Variants in MAML2 observed in about 807,000 individuals in gnomAD.
MAML2 encodes the protein mastermind like transcriptional coactivator 2, also known as mastermind-like protein 2.
Under a neutral mutation model 96.1 loss-of-function variants are expected in MAML2, and 22 were observed. That is an observed-to-expected ratio of 0.23 (90% CI 0.16 to 0.33). The LOEUF is 0.33. MAML2 is among the 10% of genes least tolerant of loss of function. MAML2 has a pLI of 1.00. For synonymous variants in MAML2, 561 were observed against 521.3 expected, an observed-to-expected ratio of 1.08 and a Z score of -1.04; for missense variants, 1,367 against 1,392.4, an observed-to-expected ratio of 0.98 and a Z score of 0.29.
intron 1 of MAML2, among the ~76,000 whole-genome samples, chr11:96,178,638 C>T (rs1227331191): frequency 6.6e-6 from 1 of 152,186 alleles, no homozygotes; most frequent in Non-Finnish European, 1.5e-5. Context: ...GGGGATGTCA[C>T]AAAAGCCAGC....
At chr11:96,078,249 G>A (rs1859475028) in intron 2 of MAML2, among the ~76,000 whole-genome samples, 1 of 152,120 alleles carries the variant, frequency 6.6e-6, no homozygotes, top group Non-Finnish European at 1.5e-5. Context: ...AGTGTACACT[G>A]AACACATCTC....
intron 1 of MAML2, among the ~76,000 whole-genome samples, chr11:96,180,094 A>G (rs16923184): frequency 0.018 from 2,714 of 152,328 alleles, 93 homozygotes; most frequent in African/African-American, 0.061. Context: ...AATACTGAAG[A>G]ATGCAGAATT....
intron 2 of MAML2, among the ~76,000 whole-genome samples, chr11:96,025,072 C>T (rs995658833): frequency 3.9e-5 from 6 of 152,096 alleles, no homozygotes; most frequent in African/African-American, 9.7e-5. Flanking sequence ...GAAAAGCAAC[C>T]GTTCCACCAA....
At chr11:96,181,814 C>T (rs183797457) in intron 1 of MAML2, among the ~76,000 whole-genome samples, 11 of 95,664 alleles carry the variant, frequency 1.1e-4, no homozygotes, top group African/African-American at 4.1e-4. Flanking sequence ...AGCAATAGAA[C>T]GCTTTAGTGA....
intron 1 of MAML2, among the ~76,000 whole-genome samples, chr11:96,339,850 G>T (rs751341573): frequency 6.6e-6 from 1 of 152,028 alleles, no homozygotes; most frequent in Non-Finnish European, 1.5e-5. Flanking sequence ...ACCTCCCACT[G>T]CTTTCCTAGG....
chr11:96,017,013 A>G (rs1014807741), intron 2 of MAML2, among the ~76,000 whole-genome samples: 1 of 152,226 alleles, frequency 6.6e-6, no homozygotes, highest in Non-Finnish European at 1.5e-5. Context: ...TTTTAAAGGC[A>G]ATTAACTATG....
intron 1 of MAML2, among the ~76,000 whole-genome samples, chr11:96,276,152 C>T (rs1862985427): frequency 6.6e-6 from 1 of 152,194 alleles, no homozygotes; most frequent in African/African-American, 2.4e-5. Context: ...AATATCAAAG[C>T]AGCTACCGGT....
intron 1 of MAML2, among the ~76,000 whole-genome samples, chr11:96,117,832 A>C (rs80002405): frequency 0.93 from 141,118 of 151,988 alleles, 65,553 homozygotes; most frequent in East Asian, 1. Flanking sequence ...CTGGAAAAGA[A>C]CTAAAAAATA....
intron 1 of MAML2, among the ~76,000 whole-genome samples, chr11:96,319,928 A>G (rs1329661332): frequency 6.6e-6 from 1 of 152,244 alleles, no homozygotes; most frequent in Non-Finnish European, 1.5e-5. Context: ...GCCAACTCTC[A>G]GAAGGAGGTG....
At chr11:96,289,914 C>G (rs1359739572) in intron 1 of MAML2, among the ~76,000 whole-genome samples, 1 of 151,818 alleles carries the variant, frequency 6.6e-6, no homozygotes. Context: ...TTTGAAGGGA[C>G]TGGGAATAAA....
At chr11:96,117,722 T>G (rs1433774201) in intron 1 of MAML2, among the ~76,000 whole-genome samples, 2 of 152,108 alleles carry the variant, frequency 1.3e-5, no homozygotes, top group Non-Finnish European at 2.9e-5. Flanking sequence ...GACCAGAAGA[T>G]TCTTAGAACA....
intron 2 of MAML2, among the ~76,000 whole-genome samples, chr11:96,034,823 T>G (rs1234437932): frequency 6.6e-6 from 1 of 152,186 alleles, no homozygotes; most frequent in Non-Finnish European, 1.5e-5. Context: ...ATGGCATTTT[T>G]GGGGGTCAGA....
In MAML2 at chr11:96,343,091, C is replaced by T. The variant is rs1038180230; in HGVS notation, c.-1196G>A. 5.0e-6 allele frequency: 2 copies of T among 398,460 alleles called. No individual in the cohort carries two copies. The highest frequency in any genetic ancestry group is 2.1e-5 in the African/African-American group (1 of 48,620). 24.7% of individuals were successfully genotyped at this position (398,460 alleles called of 1,614,324 possible). A position where few individuals can be genotyped will look rare whatever the true frequency, so the allele number is the denominator to read the frequency against. ...AGCTTGTATTTTCCTTTCTCTTTCT[C>T]GTCTGTTGTTAGCCGCTTTGCTGAC... is the stretch of plus-strand genomic sequence containing the variant. On this transcript the variant is annotated 5_prime_UTR_variant, in exon 1 of 5. Transcript: ENST00000524717.
intron 1 of MAML2, among the ~76,000 whole-genome samples, chr11:96,273,722 G>T (rs145233954): frequency 1.4e-3 from 206 of 152,252 alleles, no homozygotes; most frequent in Admixed American, 4.8e-3. Context: ...AAATGGGGGT[G>T]ATACTCCCTA....
At chr11:95,998,898 C>T (rs1294944784) in intron 2 of MAML2, among the ~76,000 whole-genome samples, 1 of 152,092 alleles carries the variant, frequency 6.6e-6, no homozygotes, top group Non-Finnish European at 1.5e-5. Context: ...CTATGGATGA[C>T]CATGGGAAGT....
intron 1 of MAML2, among the ~76,000 whole-genome samples, chr11:96,208,846 C>G (rs1167688261): frequency 2.0e-5 from 3 of 152,066 alleles, no homozygotes; most frequent in Non-Finnish European, 4.4e-5. Flanking sequence ...ATGGAAAAAT[C>G]TTCAGTGAAA....
intron 2 of MAML2, among the ~76,000 whole-genome samples, chr11:96,085,008 T>C (rs1162753395): frequency 6.6e-6 from 1 of 152,212 alleles, no homozygotes; most frequent in Admixed American, 6.5e-5. Flanking sequence ...TTTAGCAGGA[T>C]GCACAGGGAA....
chr11:96,028,880 C>A (rs1420172623), intron 2 of MAML2, among the ~76,000 whole-genome samples: 2 of 152,058 alleles, frequency 1.3e-5, no homozygotes, highest in African/African-American at 4.8e-5. Flanking sequence ...ATCCTATATT[C>A]TTACATCCCC....
chr11:96,250,026 T>C (rs970155829), intron 1 of MAML2, among the ~76,000 whole-genome samples: 1 of 152,256 alleles, frequency 6.6e-6, no homozygotes, highest in South Asian at 2.1e-4. Context: ...CTCAGAGACT[T>C]TGCACTTGCT....
Sources: gnomAD v4.1 joint callset for allele counts (sites outside exome capture counted in the v4.1 genomes callset) on GRCh38, gnomAD v4.1.1 for gene constraint, MANE v1.5 for transcripts, NCBI Gene and HGNC (gene_info 2026-07-23, HGNC 2026-07-21) for gene names.